Variants in DNAJC17 observed in about 807,000 individuals in gnomAD.
The protein encoded by DNAJC17 is DnaJ heat shock protein family (Hsp40) member C17.
A neutral mutation model predicts 48.1 loss-of-function variants in DNAJC17; 35 were observed. The ratio of observed to expected loss-of-function variants is 0.73; its 90% CI spans 0.56 to 0.96. The LOEUF is 0.96. Among genes scored for constraint, DNAJC17 ranks in the 50% least tolerant of loss-of-function variants. The probability of loss-of-function intolerance (pLI) is 0.00; values close to 1 mark genes in which losing one functional copy is unlikely to be tolerated. For missense variants in DNAJC17, 355 were observed against 377.1 expected, an observed-to-expected ratio of 0.94 and a Z score of 0.48; for synonymous variants, 117 against 142.7, an observed-to-expected ratio of 0.82 and a Z score of 1.28.
At chr15:40,794,965 C>G (rs1172299053) in intron 1 of DNAJC17, among the ~76,000 whole-genome samples, 6 of 151,984 alleles carry the variant, frequency 3.9e-5, no homozygotes. Context: ...GTGAGCCCCC[C>G]GCCTCGGCCT....
intron 1 of DNAJC17, among the ~76,000 whole-genome samples, chr15:40,799,224 CAAA>C (rs34609538): frequency 1.1e-4 from 5 of 44,388 alleles, no homozygotes; most frequent in Admixed American, 2.5e-4. Context: ...GACTCCATCT[CAAA>C]AAAAAAAAAA....
At chr15:40,775,299 G>A (rs920886282) in intron 7 of DNAJC17, 191 bp from the exon 8 acceptor site, 24 of 714,854 alleles carry the variant, frequency 3.4e-5, no homozygotes, top group African/African-American at 1.2e-4. Flanking sequence ...CCCCAGGGAC[G>A]CTTCCCGCCC....
intron 1 of DNAJC17, among the ~76,000 whole-genome samples, chr15:40,803,110 A>C (rs1372263966): frequency 6.6e-6 from 1 of 151,294 alleles, no homozygotes; most frequent in Non-Finnish European, 1.5e-5. Context: ...TCAAAAAAAA[A>C]AAAAAGAAAA....
rs1596068369 is a variant in DNAJC17 at position 40,767,245 on chromosome 15, G to C, written c.*695C>G. 1.9e-6 allele frequency: 3 copies of C among 1,574,548 alleles called. No individual in the cohort carries two copies. The East Asian group carries it at 7.3e-5, about 38-fold the overall frequency. ...TTGCAGTTATGAATACTACGTCGAT[G>C]ACCCTCCCCGCATAGTCCTGGACAA... On this transcript the variant is annotated 3_prime_UTR_variant, in exon 11 of 11. Coordinates refer to ENST00000220496, the MANE Select transcript of DNAJC17 (RefSeq NM_018163.3).
Position 40,769,569 on chromosome 15 carries a change from C to T in DNAJC17, c.793-1507G>A, listed in dbSNP as rs1022815109. On this transcript the variant is annotated intron_variant, in intron 10 of 10. Coordinates refer to ENST00000220496, the MANE Select transcript of DNAJC17 (RefSeq NM_018163.3). This position sits in a 1 kb window ranked among gnomAD's most constrained non-coding sequence, Gnocchi z 4.2. The stretch of plus-strand genomic sequence containing the variant: ...CTGCTCCCCATTAACACACCCTCTG[C>T]CCCCCTTCCTGTTCCTGCTCGTGAG... Among the ~76,000 whole-genome samples, 6 of 152,236 alleles carry T rather than the reference C, an allele frequency of 3.9e-5. No homozygotes were observed. Among genetic ancestry groups the T allele is most frequent in the Non-Finnish European group, 5.9e-5 (4 of 68,038 alleles).
intron 1 of DNAJC17, among the ~76,000 whole-genome samples, chr15:40,800,948 T>C (rs1486890140): frequency 7.7e-6 from 1 of 130,134 alleles, no homozygotes. Flanking sequence ...ACAGCGAGAC[T>C]CCGTCTCAAA....
At chr15:40,787,206 G>A (rs1889664173) in intron 1 of DNAJC17, among the ~76,000 whole-genome samples, 1 of 152,190 alleles carries the variant, frequency 6.6e-6, no homozygotes, top group Non-Finnish European at 1.5e-5. Flanking sequence ...GGTATAGGAA[G>A]GTATGGGGGT....
At chr15:40,784,750 C>A (rs1268036474) in intron 1 of DNAJC17, among the ~76,000 whole-genome samples, 1 of 152,048 alleles carries the variant, frequency 6.6e-6, no homozygotes, top group Non-Finnish European at 1.5e-5. Context: ...TCAGATAAAG[C>A]CAAACAGGGA....
At chr15:40,791,614 G>A (rs535531781) in intron 1 of DNAJC17, among the ~76,000 whole-genome samples, 14 of 152,270 alleles carry the variant, frequency 9.2e-5, no homozygotes, top group Middle Eastern at 3.4e-3. Context: ...GGAGGCTGAG[G>A]TGGGCGGATC....
chr15:40,774,937 T>A, intron 8 of DNAJC17, 94 bp downstream of exon 8: 1 of 1,324,906 alleles, frequency 7.5e-7, no homozygotes, highest in African/African-American at 1.5e-5. Flanking sequence ...GTAGATATGT[T>A]AAGGGAAGTT....
intron 1 of DNAJC17, among the ~76,000 whole-genome samples, chr15:40,806,220 CTTTTT>C (rs34520548): frequency 1.6e-5 from 2 of 122,888 alleles, no homozygotes; most frequent in Admixed American, 8.4e-5. Context: ...TTTTTTTTTC[CTTTTT>C]TTTTTTTTTT....
Position 40,779,306 on chromosome 15 carries a change from G to A in DNAJC17, c.212C>T (p.Ala71Val). 6.2e-7 allele frequency: 1 copy of A among 1,613,988 alleles called. No individual in the cohort carries two copies. The highest frequency in any genetic ancestry group is 8.5e-7 in the Non-Finnish European group (1 of 1,180,022). The change falls in exon 4 of 11, where the codon GCA (alanine) becomes GTA (valine). Residue 71 changes from alanine to valine, a missense_variant. Physicochemically the swap from Ala to Val is moderately conservative, Grantham distance 64. Transcript: ENST00000220496. ...EVLTDAAARA[A>V]YDKVRKAKKQ... Reference sequence around the variant, plus strand: ...CTTGGCTTTCCTGACCTTGTCATATGCAGCCTGGCAGGAGAAAGGGGCACA... The same window carrying A: ...CTTGGCTTTCCTGACCTTGTCATATACAGCCTGGCAGGAGAAAGGGGCACA...
chr15:40,798,340 G>C (rs1228609924), intron 1 of DNAJC17, among the ~76,000 whole-genome samples: 2 of 152,164 alleles, frequency 1.3e-5, no homozygotes, highest in African/African-American at 4.8e-5. Context: ...ACAGGAGCTG[G>C]GGGGAGGAGG....
chr15:40,807,332 A>G, intron 1 of DNAJC17, 37 bp downstream of exon 1: 1 of 1,614,116 alleles, frequency 6.2e-7, no homozygotes. Flanking sequence ...GGACCGCCAG[A>G]CCTCTCAAGA....
intron 1 of DNAJC17, among the ~76,000 whole-genome samples, chr15:40,786,739 A>G (rs1317851258): frequency 6.6e-6 from 1 of 152,218 alleles, no homozygotes; most frequent in Non-Finnish European, 1.5e-5. Flanking sequence ...ATGGCTTTTC[A>G]GAGGAGAAGC....
In DNAJC17 at chr15:40,807,353, T is replaced by C; in HGVS notation, c.78+16A>G. ...CCAGACCTCTCAAGATCAGCCTTCC[T>C]CGCCACCGTTCTCACCTCTTTGTCC... On this transcript the variant is annotated intron_variant, in intron 1 of 10. Coordinates refer to ENST00000220496, the MANE Select transcript of DNAJC17 (RefSeq NM_018163.3). 1.9e-6 allele frequency: 3 copies of C among 1,614,236 alleles called. No individual in the cohort carries two copies. Among genetic ancestry groups the C allele is most frequent in the Non-Finnish European group, 2.5e-6 (3 of 1,180,034 alleles).
At chr15:40,797,560 C>G (rs1051696376) in intron 1 of DNAJC17, among the ~76,000 whole-genome samples, 19 of 151,230 alleles carry the variant, frequency 1.3e-4, no homozygotes, top group African/African-American at 3.9e-4. Flanking sequence ...TTACAGGCAC[C>G]CGCCACCATG....
chr15:40,792,713 G>A (rs1889837257), intron 1 of DNAJC17: 1 of 156,820 alleles, frequency 6.4e-6, no homozygotes, highest in South Asian at 2.0e-4. Flanking sequence ...CAGCCTGGAG[G>A]ACAGAGTGAG....
At chr15:40,802,155 T>C (rs1370338576) in intron 1 of DNAJC17, among the ~76,000 whole-genome samples, 1 of 150,934 alleles carries the variant, frequency 6.6e-6, no homozygotes, top group African/African-American at 2.5e-5. Flanking sequence ...GGAGAGAGAA[T>C]TGAAAGAGTT....
Sources: gnomAD v4.1 joint callset for allele counts (sites outside exome capture counted in the v4.1 genomes callset) on GRCh38, gnomAD v4.1.1 for gene constraint, Gnocchi (gnomAD v3.1) non-coding constraint, MANE v1.5 for transcripts, NCBI Gene and HGNC (gene_info 2026-07-23, HGNC 2026-07-21) for gene names.